SAXO1: variants seen among roughly 807,000 people sequenced by gnomAD.
SAXO1 encodes stabilizer of axonemal microtubules 1.
In SAXO1, 21 loss-of-function variants were observed where a neutral mutation model predicts 17.5. The ratio of observed to expected loss-of-function variants is 1.20; its 90% CI spans 0.85 to 1.72. The LOEUF (loss-of-function observed/expected upper bound fraction) is 1.72, where lower values mean the gene tolerates loss of function less well. Ranked by LOEUF, SAXO1 falls within the 40% of genes most tolerant of loss-of-function variation. The probability of loss-of-function intolerance (pLI) is 0.00; values close to 1 mark genes in which losing one functional copy is unlikely to be tolerated. For synonymous variants in SAXO1, 274 were observed against 216.5 expected (o/e 1.27, Z -2.33); for missense variants, 843 against 596.0 (o/e 1.41, Z -4.32).
intron 1 of SAXO1, among the ~76,000 whole-genome samples, chr9:18,979,563 G>C (rs531309895): frequency 2.6e-5 from 4 of 152,336 alleles, no homozygotes; most frequent in African/African-American, 9.6e-5. Flanking sequence ...GAGGCTGAAA[G>C]TCACACCAGG....
At chr9:18,982,136 A>AGCCC (rs1259167161) in intron 1 of SAXO1, among the ~76,000 whole-genome samples, 1 of 152,194 alleles carries the variant, frequency 6.6e-6, no homozygotes, top group Non-Finnish European at 1.5e-5. Context: ...AGGAACTCAG[A>AGCCC]GCCCCTCCAC....
chr9:19,027,909 A>T, intron 1 of SAXO1: 2 of 1,376,316 alleles, frequency 1.5e-6, no homozygotes, highest in Non-Finnish European at 2.1e-6. Flanking sequence ...GGCCAGAATC[A>T]TGCAGATCCA....
intron 1 of SAXO1, among the ~76,000 whole-genome samples, chr9:19,001,441 G>C (rs950745139): frequency 1.3e-5 from 2 of 152,112 alleles, no homozygotes; most frequent in African/African-American, 4.8e-5. Flanking sequence ...GTTGAAGCAG[G>C]TGGATCATGA....
rs901354401 is a variant in SAXO1 at position 18,945,915 on chromosome 9, C to T, written c.219-4076G>A. Among the ~76,000 whole-genome samples, 15 of 152,154 alleles carry T rather than the reference C, an allele frequency of 9.9e-5. 1 individual carries two copies. The highest frequency in any genetic ancestry group is 1.5e-5 in the Non-Finnish European group (1 of 68,038). On this transcript the variant is annotated intron_variant, in intron 2 of 3. Coordinates refer to ENST00000380534, the MANE Select transcript of SAXO1 (RefSeq NM_153707.4). ...AAAGCTTCCAGCCTGAAGGTCAGCTCCAGTCTGTGCAAGGGAGGGCAGCTA... is the reference window on the plus strand; with the variant it reads ...AAAGCTTCCAGCCTGAAGGTCAGCTTCAGTCTGTGCAAGGGAGGGCAGCTA...
intron 1 of SAXO1, among the ~76,000 whole-genome samples, chr9:19,039,009 A>G (rs1312395752): frequency 6.6e-6 from 1 of 152,104 alleles, no homozygotes; most frequent in African/African-American, 2.4e-5. Context: ...GTGGCCTTAT[A>G]ACTCACCCAA....
intron 3 of SAXO1, among the ~76,000 whole-genome samples, chr9:18,936,853 T>G (rs1831316001): frequency 6.6e-6 from 1 of 152,192 alleles, no homozygotes; most frequent in African/African-American, 2.4e-5. Context: ...TACAACCAAA[T>G]GCCGCTAAAG....
chr9:19,000,234 GCGCCTCTGCCCGGC>G (rs1834202333), intron 1 of SAXO1, among the ~76,000 whole-genome samples: 5 of 150,106 alleles, frequency 3.3e-5, no homozygotes, highest in African/African-American at 4.9e-5. Context: ...GAAGTGAGGA[GCGCCTCTGCCCGGC>G]CACCCAACTG....
chr9:18,953,328 T>C (rs937296903), intron 1 of SAXO1, among the ~76,000 whole-genome samples: 1 of 152,172 alleles, frequency 6.6e-6, no homozygotes, highest in Non-Finnish European at 1.5e-5. Context: ...ATATTGTTAC[T>C]TTTAAAAAAT....
chr9:19,047,772 C>CA (rs1448174468), intron 1 of SAXO1, among the ~76,000 whole-genome samples: 2 of 152,170 alleles, frequency 1.3e-5, no homozygotes, highest in Non-Finnish European at 2.9e-5. Flanking sequence ...TTCAGACATC[C>CA]AATCTCTTGA....
At chr9:18,979,609 T>C (rs1029339363) in intron 1 of SAXO1, among the ~76,000 whole-genome samples, 2 of 152,180 alleles carry the variant, frequency 1.3e-5, no homozygotes, top group African/African-American at 2.4e-5. Context: ...AGACTCTGGA[T>C]TGGGAGTGAT....
At chr9:19,034,010 C>G (rs536141801), upstream of SAXO1, among the ~76,000 whole-genome samples, 2 of 152,302 alleles carry the variant, frequency 1.3e-5, no homozygotes, top group East Asian at 3.9e-4. Flanking sequence ...TGCATCAAAA[C>G]CTCTAGTCCG....
At chr9:19,039,139 G>GA (rs1027076452) in intron 1 of SAXO1, among the ~76,000 whole-genome samples, 70 of 113,910 alleles carry the variant, frequency 6.1e-4, no homozygotes, top group South Asian at 8.1e-4. Flanking sequence ...TGCCTCAAAA[G>GA]AAAAAAAAAA....
intron 1 of SAXO1, among the ~76,000 whole-genome samples, chr9:18,988,671 A>G (rs906282706): frequency 3.3e-5 from 5 of 152,224 alleles, no homozygotes; most frequent in Admixed American, 2.0e-4. Context: ...TGCCCATTGT[A>G]TGTAACAACG....
At chr9:18,997,778 T>G (rs1461812529) in intron 1 of SAXO1, among the ~76,000 whole-genome samples, 1 of 152,190 alleles carries the variant, frequency 6.6e-6, no homozygotes, top group Non-Finnish European at 1.5e-5. Context: ...GAAGGTTCAG[T>G]CAGCAATATT....
At chr9:18,981,364 C>G (rs1254976245) in intron 1 of SAXO1, among the ~76,000 whole-genome samples, 1 of 152,170 alleles carries the variant, frequency 6.6e-6, no homozygotes, top group African/African-American at 2.4e-5. Flanking sequence ...GAAACTGAGG[C>G]AAGTGATTTA....
In SAXO1 at chr9:18,964,865, T is replaced by A. The variant is rs143529156; in HGVS notation, c.39-13928A>T. Among the ~76,000 whole-genome samples the A allele has an allele frequency of 4.5e-3, 685 of 152,340 alleles. 7 individuals are homozygous for A. Among genetic ancestry groups the A allele is most frequent in the African/African-American group, 0.016 (659 of 41,578 alleles). ...GTGATGTTAGGGCATTGATTTTAGA[T>A]CTTTCCTGCTTTCTCCTGTGTGCAT... On this transcript the variant is annotated intron_variant, in intron 1 of 3. Coordinates refer to ENST00000380534, the MANE Select transcript of SAXO1 (RefSeq NM_153707.4).
intron 3 of SAXO1, among the ~76,000 whole-genome samples, chr9:18,931,178 C>G (rs1381035751): frequency 6.6e-6 from 1 of 152,178 alleles, no homozygotes; most frequent in African/African-American, 2.4e-5. Context: ...TCAGTCTTTA[C>G]TCCCATCTCC....
intron 1 of SAXO1, among the ~76,000 whole-genome samples, chr9:18,998,646 C>G (rs1253006750): frequency 6.6e-6 from 1 of 152,074 alleles, no homozygotes; most frequent in Admixed American, 6.6e-5. Context: ...GAAGAGCAAC[C>G]CCAAACACGT....
intron 1 of SAXO1, among the ~76,000 whole-genome samples, chr9:18,968,998 G>C (rs2131786598): frequency 6.6e-6 from 1 of 150,630 alleles, no homozygotes; most frequent in African/African-American, 2.5e-5. Flanking sequence ...AACCCAGTGT[G>C]GCAAAACCCT....
Sources: gnomAD v4.1 joint callset for allele counts (sites outside exome capture counted in the v4.1 genomes callset) on GRCh38, gnomAD v4.1.1 for gene constraint, MANE v1.5 for transcripts, NCBI Gene and HGNC (gene_info 2026-07-23, HGNC 2026-07-21) for gene names.